KLHL4: variants seen among roughly 807,000 people sequenced by gnomAD.
The protein encoded by KLHL4 is kelch-like protein 4.
KLHL4 carries 17 observed loss-of-function variants against 45.8 expected under a neutral mutation model. That is an observed-to-expected ratio of 0.37 (90% CI 0.25 to 0.56). The LOEUF (loss-of-function observed/expected upper bound fraction) is 0.56, where lower values mean the gene tolerates loss of function less well. KLHL4 is among the 20% of genes least tolerant of loss of function. The pLI, the probability that KLHL4 is intolerant of heterozygous loss-of-function variation, is 0.79. For synonymous variants in KLHL4, 224 were observed against 189.9 expected, an observed-to-expected ratio of 1.18 and a Z score of -1.47; for missense variants, 544 against 544.9, an observed-to-expected ratio of 1.00 and a Z score of 0.02.
intron 1 of KLHL4, among the ~76,000 whole-genome samples, chrX:87,553,918 G>A: frequency 9.1e-6 from 1 of 109,290 alleles, no homozygotes; most frequent in East Asian, 2.9e-4. Context: ...AAGGGATCCA[G>A]TTTCAGCTTT....
At chrX:87,647,459 G>T (rs751120494) in intron 9 of KLHL4, among the ~76,000 whole-genome samples, 1 of 111,965 alleles carries the variant, frequency 8.9e-6, no homozygotes, top group African/African-American at 3.2e-5. Flanking sequence ...AGAACAATTT[G>T]CAATTGCAAA....
intron 1 of KLHL4, among the ~76,000 whole-genome samples, chrX:87,593,394 G>T (rs1373774495): frequency 9.1e-6 from 1 of 110,404 alleles, no homozygotes; most frequent in African/African-American, 3.3e-5. Flanking sequence ...TTTACTTTCT[G>T]CTCTCAAACT....
intron 1 of KLHL4, among the ~76,000 whole-genome samples, chrX:87,596,100 ACATGT>A (rs1921831578): frequency 9.0e-6 from 1 of 111,332 alleles, no homozygotes. Context: ...TGGCCATGTG[ACATGT>A]CTGCTCCCAC....
chrX:87,634,438 C>T (rs1364746055), intron 8 of KLHL4, among the ~76,000 whole-genome samples: 1 of 111,318 alleles, frequency 9.0e-6, no homozygotes, highest in East Asian at 2.8e-4. Flanking sequence ...TATACTAAAA[C>T]ATGATGATGT....
intron 1 of KLHL4, among the ~76,000 whole-genome samples, chrX:87,573,976 TATC>T (rs2147791354): frequency 9.0e-6 from 1 of 111,619 alleles, no homozygotes; most frequent in East Asian, 2.8e-4. Context: ...AATGTAACAA[TATC>T]ATTTAAATAT....
intron 1 of KLHL4, among the ~76,000 whole-genome samples, chrX:87,534,576 C>A (rs1454186558): frequency 9.0e-6 from 1 of 111,032 alleles, no homozygotes; most frequent in Non-Finnish European, 1.9e-5. Flanking sequence ...TAACCTCACA[C>A]CCCTCCTACA....
chrX:87,638,777 C>G (rs1308393974), intron 9 of KLHL4, among the ~76,000 whole-genome samples: 1 of 110,918 alleles, frequency 9.0e-6, no homozygotes, highest in African/African-American at 3.3e-5. Flanking sequence ...AAAACAATAA[C>G]AGTGAAAAAA....
rs764034087 is a variant in KLHL4, at chrX:87,534,756, A to G, written c.422+16441A>G. On this transcript the variant is annotated intron_variant, in intron 1 of 10. Coordinates refer to ENST00000373119, the MANE Select transcript of KLHL4 (RefSeq NM_019117.5). Reference sequence around the variant, plus strand: ...TTTAACAGTATGGAAGCTATTCAGGATAACTAAGATGGAAGTAAGGTTAAT... The same window carrying G: ...TTTAACAGTATGGAAGCTATTCAGGGTAACTAAGATGGAAGTAAGGTTAAT... 5.4e-5 allele frequency among the ~76,000 whole-genome samples: 6 copies of G among 112,130 alleles called. No homozygotes were observed. In the South Asian group the frequency reaches 1.5e-3, roughly 28 times the overall value.
chrX:87,591,848 T>G (rs1310499604), intron 1 of KLHL4, among the ~76,000 whole-genome samples: 3 of 112,116 alleles, frequency 2.7e-5, no homozygotes, highest in Non-Finnish European at 5.6e-5. Context: ...ATCAATTATG[T>G]GTGTTAACAA....
rs1480561626 is a variant in KLHL4, at chrX:87,517,842, A to C, written c.-52A>C. 1 of 1,121,241 alleles carries C rather than the reference A, an allele frequency of 8.9e-7. No individual in the cohort carries two copies. Among genetic ancestry groups the C allele is most frequent in the African/African-American group, 1.8e-5 (1 of 54,362 alleles). The allele number at this position is 1,121,241 out of a possible 1,213,427, so 92.4% of individuals were successfully genotyped here. A position where few individuals can be genotyped will look rare whatever the true frequency, so the allele number is the denominator to read the frequency against. On this transcript the variant is annotated 5_prime_UTR_variant, in exon 1 of 11. Transcript: ENST00000373119. The stretch of plus-strand genomic sequence containing the variant: ...GAGGCAGAAAAACAAGAGATAACAA[A>C]GGCTCCGTTTCCTTTCTGTGAGAGA...
intron 1 of KLHL4, among the ~76,000 whole-genome samples, chrX:87,606,167 A>T (rs1470765257): frequency 9.0e-6 from 1 of 111,689 alleles, no homozygotes; most frequent in Non-Finnish European, 1.9e-5. Flanking sequence ...TATGTTCAAG[A>T]AACCTATAGT....
chrX:87,560,100 T>A (rs973828495), intron 1 of KLHL4, among the ~76,000 whole-genome samples: 1 of 111,618 alleles, frequency 9.0e-6, no homozygotes, highest in Non-Finnish European at 1.9e-5. Context: ...TATGTTAAGA[T>A]CAGGTCCAAA....
chrX:87,547,233 G>C (rs1931703215), intron 1 of KLHL4, among the ~76,000 whole-genome samples: 1 of 110,774 alleles, frequency 9.0e-6, no homozygotes, highest in African/African-American at 3.3e-5. Flanking sequence ...ATTTGATTAT[G>C]GGGTGGTTTT....
At chrX:87,578,472 T>C (rs754196621) in intron 1 of KLHL4, among the ~76,000 whole-genome samples, 1 of 111,642 alleles carries the variant, frequency 9.0e-6, no homozygotes, top group Admixed American at 9.5e-5. Context: ...ACAGCCCTCA[T>C]TCCCCACAGA....
At chrX:87,551,371 C>T (rs749245953) in intron 1 of KLHL4, among the ~76,000 whole-genome samples, 2 of 111,298 alleles carry the variant, frequency 1.8e-5, no homozygotes, top group Non-Finnish European at 3.8e-5. Flanking sequence ...CAAATAAAAA[C>T]ATCCCATGCT....
At chrX:87,605,069 C>T in intron 1 of KLHL4, among the ~76,000 whole-genome samples, 1 of 111,422 alleles carries the variant, frequency 9.0e-6, no homozygotes, top group East Asian at 2.8e-4. Flanking sequence ...AACCACTTGA[C>T]TATAGATGTG....
At chrX:87,638,668 C>A (rs1015487729) in intron 9 of KLHL4, among the ~76,000 whole-genome samples, 1 of 111,360 alleles carries the variant, frequency 9.0e-6, no homozygotes, top group Non-Finnish European at 1.9e-5. Context: ...ATGAAGCCAG[C>A]CCTACAAGAA....
intron 1 of KLHL4, among the ~76,000 whole-genome samples, chrX:87,604,396 T>C (rs776862802): frequency 1.8e-5 from 2 of 111,727 alleles, no homozygotes; most frequent in African/African-American, 6.5e-5. Context: ...GTGTGTTCAC[T>C]TTTCTCAACA....
chrX:87,568,962 C>G (rs1932278077), intron 1 of KLHL4, among the ~76,000 whole-genome samples: 1 of 111,239 alleles, frequency 9.0e-6, no homozygotes, highest in Non-Finnish European at 1.9e-5. Flanking sequence ...ACAAAGAAAA[C>G]ATCAATTAAT....
Sources: allele counts gnomAD v4.1 joint callset (sites outside exome capture counted in the v4.1 genomes callset), GRCh38; gene constraint gnomAD v4.1.1; transcripts MANE v1.5; gene names NCBI Gene and HGNC (gene_info 2026-07-23, HGNC 2026-07-21).